Variants in STX1B observed in about 807,000 individuals in gnomAD.
The protein encoded by STX1B is syntaxin-1B.
STX1B carries 7 observed loss-of-function variants against 39.4 expected under a neutral mutation model. That is an observed-to-expected ratio of 0.18 (90% CI 0.10 to 0.33). The LOEUF (loss-of-function observed/expected upper bound fraction) is 0.33, where lower values mean the gene tolerates loss of function less well. Ranked by LOEUF, STX1B falls within the 10% of genes least tolerant of loss-of-function variation. The pLI, the probability that STX1B is intolerant of heterozygous loss-of-function variation, is 1.00. For missense variants in STX1B, 198 were observed against 383.2 expected, an observed-to-expected ratio of 0.52 and a Z score of 4.04; for synonymous variants, 136 against 144.1, an observed-to-expected ratio of 0.94 and a Z score of 0.40.
At chr16:31,006,643 C>T (rs1333179240) in intron 1 of STX1B, among the ~76,000 whole-genome samples, 1 of 152,108 alleles carries the variant, frequency 6.6e-6, no homozygotes, top group African/African-American at 2.4e-5. Flanking sequence ...TTCTACAGGA[C>T]AGTTAGCAGG....
intron 7 of STX1B, among the ~76,000 whole-genome samples, chr16:30,994,680 G>A (rs2143664392): frequency 6.6e-6 from 1 of 151,350 alleles, no homozygotes; most frequent in Admixed American, 6.6e-5. Flanking sequence ...TCAGCCAGGT[G>A]ACTCACTTCC....
intron 1 of STX1B, among the ~76,000 whole-genome samples, chr16:31,005,043 G>A (rs1250562792): frequency 6.6e-6 from 1 of 152,194 alleles, no homozygotes; most frequent in Non-Finnish European, 1.5e-5. Flanking sequence ...AGGGCTGCAG[G>A]AAGAGCTTGG....
Position 31,001,750 on chromosome 16 carries a change from G to A in STX1B, c.31-147C>T, listed in dbSNP as rs2143679347. On this transcript the variant is annotated intron_variant, in intron 1 of 9. Transcript: ENST00000215095. This position sits in a 1 kb window ranked among gnomAD's most constrained non-coding sequence, Gnocchi z 5.5. ...GGAGGGGTCCTGGGAGGGGTCCCAT[G>A]CAGGGTAGATGGCAAAGGCACCAAA... 2 of 622,128 alleles carry A rather than the reference G, an allele frequency of 3.2e-6. No homozygotes were observed. Among genetic ancestry groups the A allele is most frequent in the South Asian group, 2.0e-5 (1 of 49,792 alleles). 38.5% of individuals were successfully genotyped at this position (622,128 alleles called of 1,614,324 possible).
In STX1B at chr16:31,001,007, G is replaced by C. The variant is rs1370221416; in HGVS notation, c.206-5C>G. ...CCTCCAGCTCCTGTTTGGTCTCTGA[G>C]GGGAGGGCGAGGGCAAGTGAGATGT... On this transcript the variant is annotated splice_region_variant and splice_polypyrimidine_tract_variant and intron_variant, in intron 3 of 9. Coordinates refer to ENST00000215095, the MANE Select transcript of STX1B (RefSeq NM_052874.5). This position sits in a 1 kb window ranked among gnomAD's most constrained non-coding sequence, Gnocchi z 5.5. 1.9e-6 allele frequency: 3 copies of C among 1,614,188 alleles called. No individual in the cohort carries two copies. The highest frequency in any genetic ancestry group is 3.3e-5 in the Admixed American group (2 of 60,024).
chr16:30,993,608 C>A, intron 7 of STX1B, 124 bp from the exon 8 acceptor site: 1 of 1,058,626 alleles, frequency 9.4e-7, no homozygotes, highest in Non-Finnish European at 1.4e-6. Flanking sequence ...CATTATTCAC[C>A]TGCTCTTGGC....
intron 7 of STX1B, among the ~76,000 whole-genome samples, chr16:30,994,892 C>CTTTTTTTTTTTTTTTT (rs10524041): frequency 8.0e-5 from 8 of 99,832 alleles, no homozygotes; most frequent in African/African-American, 1.4e-4. Context: ...GTCTCCCCGT[C>CTTTTTTTTTTTTTTTT]TTTTTTTTTT....
chr16:30,997,668 GC>G, intron 4 of STX1B, 93 bp from the exon 5 acceptor site: 1 of 1,240,442 alleles, frequency 8.1e-7, no homozygotes, highest in South Asian at 1.3e-5. Flanking sequence ...CCGCGGCAGC[GC>G]CAGGCCCGGG....
Position 30,997,571 on chromosome 16 carries a change from G to A in STX1B, c.285C>T (p.Ile95=). The change falls in exon 5 of 10, where the codon ATC becomes ATT. Residue 95 remains isoleucine, a synonymous_variant. Transcript: ENST00000215095. The stretch of plus-strand genomic sequence containing the variant: ...CCTCCTCCTGTTCAATGCTTTGCTC[G>A]ATCGCTGCGGGAGAGAGGGCGCAGC... ...ANKVRSKLKA[I]EQSIEQEEGL... is the part of the protein sequence containing the mutation. 1 of 1,608,296 alleles carries A rather than the reference G, an allele frequency of 6.2e-7. No individual in the cohort carries two copies. The highest frequency in any genetic ancestry group is 8.5e-7 in the Non-Finnish European group (1 of 1,178,024).
chr16:30,996,544 C>T (rs2056592910), intron 7 of STX1B, 139 bp downstream of exon 7: 1 of 764,430 alleles, frequency 1.3e-6, no homozygotes, highest in Non-Finnish European at 2.2e-6. Flanking sequence ...GCTCCGCTCC[C>T]ATGGAATTCC....
chr16:31,007,572 G>C (rs1789225666), intron 1 of STX1B, among the ~76,000 whole-genome samples: 1 of 152,134 alleles, frequency 6.6e-6, no homozygotes, highest in African/African-American at 2.4e-5. Flanking sequence ...CACCAACCAA[G>C]GTTGCCTGGT....
chr16:30,992,953 C>T (rs766828463), intron 9 of STX1B, 52 bp from the exon 10 acceptor site: 17 of 1,495,684 alleles, frequency 1.1e-5, no homozygotes, highest in Admixed American at 8.4e-5. Context: ...GATCGACACA[C>T]GGACAGATGC....
rs10524041 is a variant in STX1B at position 30,994,892 on chromosome 16, C to CTTTTTTTTTTT, written c.538-1419_538-1409dup. Among the ~76,000 whole-genome samples the CTTTTTTTTTTT allele has an allele frequency of 1.9e-4, 19 of 99,816 alleles. 1 individual carries two copies. Among genetic ancestry groups the CTTTTTTTTTTT allele is most frequent in the African/African-American group, 2.2e-4 (6 of 27,882 alleles). The allele number at this position is 99,816 out of a possible 152,430, so 65.5% of individuals were successfully genotyped here. On this transcript the variant is annotated intron_variant, in intron 7 of 9. Coordinates refer to ENST00000215095, the MANE Select transcript of STX1B (RefSeq NM_052874.5). ...TTTGGACAGTGTTCAGTCTCCCCGTCTTTTTTTTTTTTTTTTTTTTGGTTT... is the reference window on the plus strand; with the variant it reads ...TTTGGACAGTGTTCAGTCTCCCCGTCTTTTTTTTTTTTTTTTTTTTTTTTTTTTTTTGGTTT...
chr16:30,996,492 T>C (rs543047601), intron 7 of STX1B, 191 bp downstream of exon 7: 5 of 597,236 alleles, frequency 8.4e-6, no homozygotes, highest in Admixed American at 5.9e-5. Context: ...GAACAGTGCC[T>C]GGCACACGAA....
At chr16:30,998,106 C>T (rs958770101) in intron 4 of STX1B, among the ~76,000 whole-genome samples, 1 of 152,232 alleles carries the variant, frequency 6.6e-6, no homozygotes, top group African/African-American at 2.4e-5. Context: ...GAGAAAGCAG[C>T]CCTCTCCCTG....
In STX1B at chr16:30,989,480, C is replaced by G. The variant is rs1035584276; in HGVS notation, c.*3341G>C. 1.3e-5 allele frequency: 2 copies of G among 152,146 alleles called. No homozygotes were observed. The highest frequency in any genetic ancestry group is 2.9e-5 in the Non-Finnish European group (2 of 68,036). 9.4% of individuals were successfully genotyped at this position (152,146 alleles called of 1,614,324 possible). A position where few individuals can be genotyped will look rare whatever the true frequency, so the allele number is the denominator to read the frequency against. On this transcript the variant is annotated 3_prime_UTR_variant, in exon 10 of 10. Transcript: ENST00000215095. ...GGAGAGGGCGGCCTGGCTCTGGGCC[C>G]CAGCCAGGCCCCAGGAGTCCTGTCC...
intron 1 of STX1B, 84 bp downstream of exon 1, chr16:31,010,283 T>G: frequency 2.2e-5 from 22 of 997,832 alleles, no homozygotes; most frequent in South Asian, 8.7e-5. Flanking sequence ...CGCCCCCACG[T>G]CCCAGCACCT....
chr16:31,001,714 C>T lies in STX1B; in HGVS notation c.31-111G>A, dbSNP rs1172282144. On this transcript the variant is annotated intron_variant, in intron 1 of 9. Transcript: ENST00000215095. The surrounding 1 kb of genome is among the most constrained non-coding windows in gnomAD (Gnocchi z 5.5). ...TATGCACACACAGGTGCTCCCAGCT[C>T]TAGGCTCAGAGGAGGGGTCCTGGGA... The T allele has an allele frequency of 6.1e-6, 5 of 815,126 alleles. No homozygotes were observed. The African/African-American group carries it at 8.6e-5, about 14-fold the overall frequency. 50.5% of individuals were successfully genotyped at this position (815,126 alleles called of 1,614,324 possible).
At chr16:31,008,370 G>C (rs997807585) in intron 1 of STX1B, among the ~76,000 whole-genome samples, 1 of 151,784 alleles carries the variant, frequency 6.6e-6, no homozygotes, top group Non-Finnish European at 1.5e-5. Flanking sequence ...CTCTGAGCAG[G>C]GGCCCCTGAC....
intron 6 of STX1B, 47 bp from the exon 7 acceptor site, chr16:30,996,803 G>A: frequency 1.2e-6 from 2 of 1,606,776 alleles, no homozygotes; most frequent in Non-Finnish European, 8.5e-7. Flanking sequence ...ACAGCCTGGG[G>A]GCCTGAGGTG....
Sources: gnomAD v4.1 joint callset for allele counts (sites outside exome capture counted in the v4.1 genomes callset) on GRCh38, gnomAD v4.1.1 for gene constraint, Gnocchi (gnomAD v3.1) non-coding constraint, MANE v1.5 for transcripts, NCBI Gene and HGNC (gene_info 2026-07-23, HGNC 2026-07-21) for gene names.